Variants in ARAP1 observed in about 807,000 individuals in gnomAD.
ARAP1 encodes arf-GAP with Rho-GAP domain, ANK repeat and PH domain-containing protein 1.
In ARAP1, 76 loss-of-function variants were observed where a neutral mutation model predicts 172.2. The ratio of observed to expected loss-of-function variants is 0.44; its 90% confidence interval spans 0.37 to 0.53. The LOEUF (loss-of-function observed/expected upper bound fraction) is 0.53, where lower values mean the gene tolerates loss of function less well. Ranked by LOEUF, ARAP1 falls within the 20% of genes least tolerant of loss-of-function variation. The probability of loss-of-function intolerance (pLI) is 0.00; values close to 1 mark genes in which losing one functional copy is unlikely to be tolerated. For synonymous variants in ARAP1, 804 were observed against 803.3 expected (o/e 1.00, Z -0.01); for missense variants, 1,686 against 1,977.5 (o/e 0.85, Z 2.80).
intron 3 of ARAP1, among the ~76,000 whole-genome samples, chr11:72,717,383 T>C (rs985102649): frequency 6.6e-6 from 1 of 152,102 alleles, no homozygotes. Flanking sequence ...CCAAGCAGGA[T>C]TGAGGGAGCC....
In ARAP1 at chr11:72,726,647, C is replaced by T. The variant is rs933329458; in HGVS notation, c.482G>A (p.Arg161His). ...AELSVPPVPPRTGPPRLLVSL... is the reference protein window; with the variant it reads ...AELSVPPVPPHTGPPRLLVSL... ...CACCAGCAGGCGGGGGGGTCCGGTG[C>T]GGGGCGGCACGGGTGGAACGCTCAG... The change falls in exon 3 of 35, where the codon CGC becomes CAC. Residue 161 changes from arginine to histidine, a missense_variant. Physicochemically the swap from Arg to His is conservative, Grantham distance 29 (BLOSUM62 0). Around this residue, in one of 5 missense-constraint regions of ARAP1, gnomAD observed 155 missense variants for 129.2 expected, o/e 1.20. Transcript: ENST00000393609. The surrounding 1 kb of genome is among the most constrained non-coding windows in gnomAD (Gnocchi z 6.5). 3.5e-5 allele frequency: 54 copies of T among 1,527,082 alleles called. No homozygotes were observed. The highest frequency in any genetic ancestry group is 4.3e-5 in the Non-Finnish European group (49 of 1,135,790). 94.6% of individuals were successfully genotyped at this position (1,527,082 alleles called of 1,614,324 possible).
At chr11:72,720,033 C>T (rs567281660) in intron 3 of ARAP1, among the ~76,000 whole-genome samples, 28 of 152,278 alleles carry the variant, frequency 1.8e-4, no homozygotes, top group Admixed American at 9.1e-4. Context: ...TCAATGTGTG[C>T]TTCACTGAAC....
intron 1 of ARAP1, among the ~76,000 whole-genome samples, chr11:72,745,474 G>A (rs1301382962): frequency 1.3e-5 from 2 of 151,644 alleles, no homozygotes; most frequent in African/African-American, 4.9e-5. Flanking sequence ...AAAGTGCTGG[G>A]ATTACAGGCA....
Position 72,696,595 on chromosome 11 carries a change from G to C in ARAP1, c.3226C>G (p.Pro1076Ala), listed in dbSNP as rs780025289. 1.9e-5 allele frequency: 31 copies of C among 1,604,972 alleles called. No homozygotes were observed. ...RYRELLVRLP[P>A]VNRATVKALI... ...GCCTTCACTGTGGCCCGGTTGACAGGGGGCAGCCGCACCAGCAGCTCTCGG... is the reference window on the plus strand; with the variant it reads ...GCCTTCACTGTGGCCCGGTTGACAGCGGGCAGCCGCACCAGCAGCTCTCGG... The change falls in exon 23 of 35, where the codon CCT becomes GCT. Residue 1076 changes from proline (P) to alanine (A), a missense_variant. By Grantham distance (27) the Pro-to-Ala change is conservative (BLOSUM62 -1). This residue lies in a region of ARAP1 where 274 missense variants were observed against 262.7 expected (regional missense o/e 1.04). Transcript: ENST00000393609.
intron 3 of ARAP1, among the ~76,000 whole-genome samples, chr11:72,724,266 C>T (rs1200711055): frequency 6.6e-6 from 1 of 152,178 alleles, no homozygotes; most frequent in Non-Finnish European, 1.5e-5. Context: ...AGAGTACACA[C>T]ATGCACACGC....
Position 72,692,930 on chromosome 11 carries a change from ACACCTG to A in ARAP1, c.3955-151_3955-146del, listed in dbSNP as rs1856003675. The A allele has an allele frequency of 5.7e-5, 61 of 1,068,444 alleles. No individual in the cohort carries two copies. In the South Asian group the frequency reaches 7.3e-4, roughly 13 times the overall value. 66.2% of individuals were successfully genotyped at this position (1,068,444 alleles called of 1,614,324 possible). A position where few individuals can be genotyped will look rare whatever the true frequency, so the allele number is the denominator to read the frequency against. ...GTCAAATGGAGTCTGGGTTGGGAGA[ACACCTG>A]CATGTGGACAGAATGAGGGAGAAGG... is the stretch of plus-strand genomic sequence containing the variant. On this transcript the variant is annotated intron_variant, in intron 29 of 34. Coordinates refer to ENST00000393609, the MANE Select transcript of ARAP1 (RefSeq NM_001040118.3).
chr11:72,690,159 G>C (rs1280270612), intron 30 of ARAP1, among the ~76,000 whole-genome samples: 1 of 152,158 alleles, frequency 6.6e-6, no homozygotes, highest in Non-Finnish European at 1.5e-5. Flanking sequence ...CTGTGGGTGG[G>C]AGGGGAACAG....
chr11:72,707,133 C>A, intron 12 of ARAP1, 42 bp downstream of exon 12: 1 of 1,501,138 alleles, frequency 6.7e-7, no homozygotes, highest in Non-Finnish European at 9.0e-7. Context: ...CTGGCCAACC[C>A]CGCCATGCCT....
Position 72,710,884 on chromosome 11 carries a change from C to T in ARAP1, c.1213+137G>A. The T allele has an allele frequency of 6.6e-7, 1 of 1,523,424 alleles. No individual in the cohort carries two copies. The highest frequency in any genetic ancestry group is 8.9e-7 in the Non-Finnish European group (1 of 1,123,408). 94.4% of individuals were successfully genotyped at this position (1,523,424 alleles called of 1,614,324 possible). On this transcript the variant is annotated intron_variant, in intron 9 of 34. Coordinates refer to ENST00000393609, the MANE Select transcript of ARAP1 (RefSeq NM_001040118.3). This position sits in a 1 kb window ranked among gnomAD's most constrained non-coding sequence, Gnocchi z 4.3. Reference sequence around the variant, plus strand: ...GAGGGTGCCCCCTTCCTCTGCCCACCTCACAAAGGCAGCATGCCTCCCCGG... The same window carrying T: ...GAGGGTGCCCCCTTCCTCTGCCCACTTCACAAAGGCAGCATGCCTCCCCGG...
Position 72,711,322 on chromosome 11 carries a change from C to T in ARAP1, c.1092+108G>A. ...GGAGGACATGGGTTAAGGGGTCAGA[C>T]TTAGAACTCTGGCGAGGACTCCTCT... On this transcript the variant is annotated intron_variant, in intron 8 of 34. Coordinates refer to ENST00000393609, the MANE Select transcript of ARAP1 (RefSeq NM_001040118.3). 2.7e-6 allele frequency: 4 copies of T among 1,490,752 alleles called. No individual in the cohort carries two copies. In the South Asian group the frequency reaches 3.6e-5, roughly 13 times the overall value. 92.3% of individuals were successfully genotyped at this position (1,490,752 alleles called of 1,614,324 possible).
At chr11:72,739,136 A>C (rs373983250) in intron 1 of ARAP1, among the ~76,000 whole-genome samples, 12 of 152,274 alleles carry the variant, frequency 7.9e-5, no homozygotes, top group African/African-American at 2.6e-4. Context: ...CAGCCCTGCC[A>C]GGAAAGGCAG....
chr11:72,722,033 G>A, intron 3 of ARAP1: 1 of 985,700 alleles, frequency 1.0e-6, no homozygotes, highest in Non-Finnish European at 1.2e-6. Context: ...GGAGGTTTTT[G>A]AGCCCAGGTA....
chr11:72,698,421 G>A lies in ARAP1; in HGVS notation c.2542-315C>T, dbSNP rs73529672. ...TGCTGCTGCCGCCTGAACTACACCC[G>A]CAGGGGAGCTGTCTCCCCCACCCAC... On this transcript the variant is annotated intron_variant, in intron 18 of 34. Coordinates refer to ENST00000393609, the MANE Select transcript of ARAP1 (RefSeq NM_001040118.3). Among the ~76,000 whole-genome samples the A allele has an allele frequency of 8.3e-3, 1,270 of 152,316 alleles. 12 individuals are homozygous for A. Among genetic ancestry groups the A allele is most frequent in the African/African-American group, 0.029 (1,187 of 41,562 alleles).
In ARAP1 at chr11:72,707,256, T is replaced by C; in HGVS notation, c.1642A>G (p.Arg548Gly). The C allele has an allele frequency of 6.2e-7, 1 of 1,612,660 alleles. No homozygotes were observed. Among genetic ancestry groups the C allele is most frequent in the South Asian group, 1.1e-5 (1 of 90,752 alleles). The change falls in exon 12 of 35, where the codon AGG becomes GGG. Residue 548 changes from arginine to glycine, a missense_variant. Transcript: ENST00000393609. Reference protein sequence around the residue: ...AERIWAAAPNRFCADCGAPQP... With the variant: ...AERIWAAAPNGFCADCGAPQP... ...GGAGCCCCGCAGTCAGCACAGAACC[T>C]GTTGGGGGCTGCAGCCCAGATGCGC...
intron 27 of ARAP1, 25 bp downstream of exon 27, chr11:72,694,955 C>T: frequency 6.2e-7 from 1 of 1,601,790 alleles, no homozygotes; most frequent in Non-Finnish European, 8.5e-7. Flanking sequence ...CATACCACAC[C>T]CTGCACAAGC....
chr11:72,734,759 C>T (rs191011076), intron 1 of ARAP1, among the ~76,000 whole-genome samples: 2 of 150,112 alleles, frequency 1.3e-5, no homozygotes, highest in Admixed American at 6.7e-5. Flanking sequence ...AGTAGCCACA[C>T]GTGGCTGTTG....
In ARAP1 at chr11:72,695,446, C is replaced by T. The variant is rs1257072615; in HGVS notation, c.3517G>A (p.Asp1173Asn). Residue 1173 changes from aspartate (D) to asparagine (N), a missense_variant, in exon 26 of 35, where the codon GAC becomes AAC. This residue lies in a region of ARAP1 where 379 missense variants were observed against 500.1 expected (regional missense o/e 0.76). Transcript: ENST00000393609. The surrounding 1 kb of genome is among the most constrained non-coding windows in gnomAD (Gnocchi z 4.4). Reference sequence around the variant, plus strand: ...TCCAGATACACTGTGCAGATGAAGTCACCGGCATGCTGCAGGGAGACAGGG... The same window carrying T: ...TCCAGATACACTGTGCAGATGAAGTTACCGGCATGCTGCAGGGAGACAGGG... ...GTASGTQHAG[D>N]FICTVYLEEK... 1.9e-6 allele frequency: 3 copies of T among 1,614,244 alleles called. No homozygotes were observed. Among genetic ancestry groups the T allele is most frequent in the Admixed American group, 3.3e-5 (2 of 60,038 alleles).
At chr11:72,736,134 G>A (rs1383897880) in intron 1 of ARAP1, among the ~76,000 whole-genome samples, 5 of 151,788 alleles carry the variant, frequency 3.3e-5, no homozygotes, top group Non-Finnish European at 7.4e-5. Context: ...TGCTCATCAT[G>A]GATTTTTGGC....
At position 72,699,483 on chromosome 11, in the gene ARAP1, G is replaced by A; in HGVS notation, c.2372C>T (p.Thr791Ile). Reference protein sequence around the residue: ...LSYFENERAVTPNGEIRASEI... With the variant: ...LSYFENERAVIPNGEIRASEI... The stretch of plus-strand genomic sequence containing the variant: ...GCTGGCCCGAATCTCTCCATTGGGG[G>A]TCACTGCCCGCTCATTCTCAAAGTA... The change falls in exon 17 of 35, where the codon ACC (threonine) becomes ATC (isoleucine). Residue 791 changes from threonine (T) to isoleucine (I), a missense_variant. By Grantham distance (89) the Thr-to-Ile change is moderately conservative (BLOSUM62 -1). Around this residue, in one of 5 missense-constraint regions of ARAP1, gnomAD observed 688 missense variants for 856.9 expected, o/e 0.80. Transcript: ENST00000393609. This position sits in a 1 kb window ranked among gnomAD's most constrained non-coding sequence, Gnocchi z 4.2. 6.2e-7 allele frequency: 1 copy of A among 1,614,016 alleles called. No individual in the cohort carries two copies. The highest frequency in any genetic ancestry group is 1.3e-5 in the African/African-American group (1 of 75,024).
Sources: gnomAD v4.1 joint callset for allele counts (sites outside exome capture counted in the v4.1 genomes callset) on GRCh38, gnomAD v4.1.1 for gene constraint, gnomAD v4.1.1 regional missense constraint, Gnocchi (gnomAD v3.1) non-coding constraint, MANE v1.5 for transcripts, NCBI Gene and HGNC (gene_info 2026-07-23, HGNC 2026-07-21) for gene names.